The following SPECC1 variants were observed in gnomAD, a reference collection of about 807,000 sequenced individuals.
SPECC1 encodes cytospin-B.
SPECC1 carries 62 observed loss-of-function variants against 104.1 expected under a neutral mutation model. That is an observed-to-expected ratio of 0.60 (90% CI 0.49 to 0.74). The LOEUF (loss-of-function observed/expected upper bound fraction) is 0.74. SPECC1 is among the 30% of genes least tolerant of loss of function. The pLI, the probability that SPECC1 is intolerant of heterozygous loss-of-function variation, is 0.00. For synonymous variants in SPECC1, 513 were observed against 501.6 expected (o/e 1.02, Z -0.30); for missense variants, 1,306 against 1,310.5 (o/e 1.00, Z 0.05).
At chr17:20,173,653 C>G (rs745692456) in intron 3 of SPECC1, among the ~76,000 whole-genome samples, 1 of 150,242 alleles carries the variant, frequency 6.7e-6, no homozygotes, top group Non-Finnish European at 1.5e-5. Context: ...CAGGATTAGA[C>G]CTCAACCGTG....
intron 1 of SPECC1, chr17:20,095,730 T>C: frequency 6.6e-6 from 1 of 151,914 alleles, no homozygotes; most frequent in Admixed American, 6.6e-5. Flanking sequence ...CACTTGTGGG[T>C]GTTTTGTAAA....
intron 3 of SPECC1, chr17:20,155,834 A>T: frequency 1.2e-6 from 1 of 845,590 alleles, no homozygotes; most frequent in Non-Finnish European, 1.5e-6. Flanking sequence ...CGTCCCGCCC[A>T]CGGCGCGGGG....
At chr17:20,101,444 T>C (rs1273169277) in intron 2 of SPECC1, among the ~76,000 whole-genome samples, 3 of 152,226 alleles carry the variant, frequency 2.0e-5, no homozygotes, top group African/African-American at 7.2e-5. Flanking sequence ...TCATGTTTGT[T>C]GGCTGCATAA....
At chr17:20,150,018 G>T (rs771570147) in intron 3 of SPECC1, among the ~76,000 whole-genome samples, 11 of 151,844 alleles carry the variant, frequency 7.2e-5, no homozygotes, top group Non-Finnish European at 1.5e-4. Flanking sequence ...TGTCTCCCAG[G>T]CTGGAGTGCA....
intron 1 of SPECC1, among the ~76,000 whole-genome samples, chr17:20,013,788 C>T (rs2044024233): frequency 1.3e-5 from 2 of 152,208 alleles, no homozygotes; most frequent in East Asian, 1.9e-4. Context: ...CAGGCATGAA[C>T]CACTGTGCCG....
rs564359390 is a variant in SPECC1, at chr17:20,130,933, T to C, written c.283+20371T>C. Among the ~76,000 whole-genome samples, 22 of 152,326 alleles carry C rather than the reference T, an allele frequency of 1.4e-4. No individual in the cohort carries two copies. The South Asian group carries it at 4.4e-3, about 30-fold the overall frequency. ...TGTAGTTTGCGGCATACAAATCCTA[T>C]ACCTGTTTTGTTAGATTTACACCTA... On this transcript the variant is annotated intron_variant, in intron 3 of 14. Transcript: ENST00000395527.
At chr17:20,268,952 T>A (rs887723099) in intron 12 of SPECC1, among the ~76,000 whole-genome samples, 1 of 152,054 alleles carries the variant, frequency 6.6e-6, no homozygotes, top group Non-Finnish European at 1.5e-5. Context: ...AATATCAAAG[T>A]GTGTAGAGAC....
At chr17:20,238,086 T>C (rs1598060645) in intron 7 of SPECC1, 1 of 1,026,358 alleles carries the variant, frequency 9.7e-7, no homozygotes, top group East Asian at 6.3e-5. Flanking sequence ...GGAGTCTGAC[T>C]TCATTACCTC....
chr17:20,122,760 A>G (rs539345429), intron 3 of SPECC1, among the ~76,000 whole-genome samples: 8 of 152,182 alleles, frequency 5.3e-5, no homozygotes, highest in Non-Finnish European at 1.2e-4. Context: ...GGCTTATTTC[A>G]CTCAGCATAA....
In SPECC1 at chr17:20,111,872, G is replaced by A. The variant is rs2048514158; in HGVS notation, c.283+1310G>A. Reference sequence around the variant, plus strand: ...GAACGGCAGCCCCAAGAAGGGAAAGGTGGTTGCTGTATGTGGAACTTTATC... The same window carrying A: ...GAACGGCAGCCCCAAGAAGGGAAAGATGGTTGCTGTATGTGGAACTTTATC... On this transcript the variant is annotated intron_variant, in intron 3 of 14. Coordinates refer to ENST00000395527, the MANE Select transcript of SPECC1 (RefSeq NM_001243439.2). 8.7e-6 allele frequency: 7 copies of A among 807,638 alleles called. No homozygotes were observed. The Admixed American group carries it at 1.0e-4, about 12-fold the overall frequency. The allele number at this position is 807,638 out of a possible 1,614,324, so 50.0% of individuals were successfully genotyped here. A position where few individuals can be genotyped will look rare whatever the true frequency, so the allele number is the denominator to read the frequency against.
intron 12 of SPECC1, among the ~76,000 whole-genome samples, chr17:20,271,939 A>C (rs1311471927): frequency 6.6e-6 from 1 of 151,948 alleles, no homozygotes; most frequent in Non-Finnish European, 1.5e-5. Context: ...GCATCGCTCC[A>C]TTGTCTTCTA....
intron 3 of SPECC1, among the ~76,000 whole-genome samples, chr17:20,123,608 A>G (rs1236576432): frequency 6.6e-6 from 1 of 152,196 alleles, no homozygotes; most frequent in Non-Finnish European, 1.5e-5. Context: ...TCCCCATCTG[A>G]CATGTGAAGA....
intron 1 of SPECC1, among the ~76,000 whole-genome samples, chr17:20,069,778 T>TAGAC (rs2046481570): frequency 6.6e-6 from 1 of 152,154 alleles, no homozygotes; most frequent in Admixed American, 6.5e-5. Flanking sequence ...TTTCAGTGTG[T>TAGAC]AGACTTTCCA....
chr17:20,257,370 G>C, intron 10 of SPECC1, 81 bp from the exon 11 acceptor site: 1 of 1,448,502 alleles, frequency 6.9e-7, no homozygotes, highest in Non-Finnish European at 9.3e-7. Flanking sequence ...AATGAGAACT[G>C]TATTGTATTT....
At chr17:20,042,372 A>G (rs1195248642) in intron 1 of SPECC1, among the ~76,000 whole-genome samples, 2 of 152,064 alleles carry the variant, frequency 1.3e-5, no homozygotes, top group African/African-American at 4.8e-5. Flanking sequence ...GAGGGAGGAA[A>G]GGTGGCCTCA....
intron 1 of SPECC1, among the ~76,000 whole-genome samples, chr17:20,053,365 T>C (rs1378879751): frequency 6.6e-6 from 1 of 152,218 alleles, no homozygotes; most frequent in Non-Finnish European, 1.5e-5. Flanking sequence ...CATTTCAAGT[T>C]CAGCATTAAT....
At chr17:20,049,895 G>A (rs563828464) in intron 1 of SPECC1, among the ~76,000 whole-genome samples, 26 of 151,820 alleles carry the variant, frequency 1.7e-4, no homozygotes, top group South Asian at 6.3e-4. Flanking sequence ...TCAGCTCACC[G>A]CAACCTGTGC....
rs572258527 is a variant in SPECC1 at position 20,274,885 on chromosome 17, T to C, written c.2940+14591T>C. On this transcript the variant is annotated intron_variant, in intron 12 of 14. Transcript: ENST00000395527. Reference sequence around the variant, plus strand: ...GCTATTGATGGTGGATATTCTTGTTTTATTTTCTGTTCGTAATAACAGAAA... The same window carrying C: ...GCTATTGATGGTGGATATTCTTGTTCTATTTTCTGTTCGTAATAACAGAAA... Among the ~76,000 whole-genome samples, 10 of 152,008 alleles carry C rather than the reference T, an allele frequency of 6.6e-5. No individual in the cohort carries two copies. In the East Asian group the frequency reaches 1.9e-3, roughly 29 times the overall value.
intron 1 of SPECC1, among the ~76,000 whole-genome samples, chr17:20,033,915 C>T (rs1200330668): frequency 6.6e-6 from 1 of 152,160 alleles, no homozygotes; most frequent in Non-Finnish European, 1.5e-5. Context: ...CCTCAAATGA[C>T]AGTGATATTG....
Sources: gnomAD v4.1 joint callset for allele counts (sites outside exome capture counted in the v4.1 genomes callset) on GRCh38, gnomAD v4.1.1 for gene constraint, MANE v1.5 for transcripts, NCBI Gene and HGNC (gene_info 2026-07-23, HGNC 2026-07-21) for gene names.